The following RARS2 variants were observed in gnomAD, a reference collection of about 807,000 sequenced individuals.
The protein encoded by RARS2 is probable arginine--tRNA ligase, mitochondrial.
In RARS2, 67 loss-of-function variants were observed where a neutral mutation model predicts 88.5. The ratio of observed to expected loss-of-function variants is 0.76; its 90% CI spans 0.62 to 0.93. The LOEUF (loss-of-function observed/expected upper bound fraction) is 0.93, where lower values mean the gene tolerates loss of function less well. RARS2 is among the 40% of genes least tolerant of loss of function. RARS2 has a pLI of 0.00. For synonymous variants in RARS2, 239 were observed against 230.3 expected (o/e 1.04, Z -0.34); for missense variants, 664 against 684.2 (o/e 0.97, Z 0.33).
At chr6:87,543,810 A>C (rs1029901529) in intron 7 of RARS2, among the ~76,000 whole-genome samples, 1 of 152,232 alleles carries the variant, frequency 6.6e-6, no homozygotes, top group Non-Finnish European at 1.5e-5. Flanking sequence ...AAGAAGGATG[A>C]CTGAAGCTCT....
chr6:87,547,824 A>C (rs1478036728), intron 6 of RARS2, among the ~76,000 whole-genome samples: 1 of 151,656 alleles, frequency 6.6e-6, no homozygotes, highest in African/African-American at 2.4e-5. Context: ...ATTTTTAGTA[A>C]AGATGGGGTT....
chr6:87,580,100 C>T (rs183661231), intron 1 of RARS2, among the ~76,000 whole-genome samples: 4 of 152,178 alleles, frequency 2.6e-5, no homozygotes, highest in East Asian at 1.9e-4. Context: ...GGGAGTAATA[C>T]GACTTTCTTC....
intron 3 of RARS2, among the ~76,000 whole-genome samples, chr6:87,563,210 C>T (rs9294383): frequency 0.84 from 128,419 of 152,234 alleles, 54,814 homozygotes; most frequent in African/African-American, 0.96. Flanking sequence ...TTTAGATAGT[C>T]TGTCTTCTAT....
chr6:87,520,399 A>G, intron 12 of RARS2, 143 bp from the exon 13 acceptor site: 3 of 680,312 alleles, frequency 4.4e-6, no homozygotes, highest in Non-Finnish European at 7.6e-6. Context: ...CACAAAGAGG[A>G]TGCCACAAGA....
At position 87,552,600 on chromosome 6, in the gene RARS2, G is replaced by C. The variant is rs546323540; in HGVS notation, c.395+2808C>G. 2.6e-5 allele frequency among the ~76,000 whole-genome samples: 4 copies of C among 152,202 alleles called. No individual in the cohort carries two copies. The East Asian group carries it at 7.7e-4, about 29-fold the overall frequency. On this transcript the variant is annotated intron_variant, in intron 5 of 19. Transcript: ENST00000369536. ...AAGCCTACAGAATACAACTCACATA[G>C]AACAGGTTATTTTTAGATATTTTTT...
chr6:87,584,516 A>G (rs1460931785), intron 1 of RARS2, among the ~76,000 whole-genome samples: 1 of 152,250 alleles, frequency 6.6e-6, no homozygotes, highest in Admixed American at 6.5e-5. Context: ...TAATCCTTGC[A>G]GCAATCCTGT....
chr6:87,560,811 C>T (rs1419037437), intron 4 of RARS2, among the ~76,000 whole-genome samples: 1 of 152,138 alleles, frequency 6.6e-6, no homozygotes, highest in Non-Finnish European at 1.5e-5. Flanking sequence ...TCGCTTGAAC[C>T]CGGGAGGTGG....
chr6:87,530,728 A>G, intron 9 of RARS2, 56 bp downstream of exon 9: 1 of 1,575,218 alleles, frequency 6.3e-7, no homozygotes, highest in Non-Finnish European at 8.7e-7. Context: ...CTATGCAGGT[A>G]ACAGCCGAGA....
chr6:87,540,051 GAGA>G (rs1219803266), intron 8 of RARS2, among the ~76,000 whole-genome samples: 1 of 152,096 alleles, frequency 6.6e-6, no homozygotes, highest in African/African-American at 2.4e-5. Context: ...ATGGGAAAGA[GAGA>G]AGAAATCTTT....
At chr6:87,563,997 T>C in intron 3 of RARS2, 133 bp downstream of exon 3, 2 of 728,498 alleles carry the variant, frequency 2.7e-6, no homozygotes, top group Non-Finnish European at 4.8e-6. Context: ...TAAAATGAAT[T>C]TAAATTATAT....
chr6:87,566,573 C>A (rs1258924216), intron 2 of RARS2, among the ~76,000 whole-genome samples: 2 of 152,136 alleles, frequency 1.3e-5, no homozygotes, highest in African/African-American at 2.4e-5. Context: ...GAGAGCCCAA[C>A]ACAGTGGCTC....
At chr6:87,585,763 A>G (rs1409591162) in intron 1 of RARS2, among the ~76,000 whole-genome samples, 1 of 152,128 alleles carries the variant, frequency 6.6e-6, no homozygotes, top group Non-Finnish European at 1.5e-5. Context: ...AAAAATAAAA[A>G]TAAATTCTGT....
chr6:87,538,983 G>A lies in RARS2; in HGVS notation c.612+2935C>T, dbSNP rs539440746. 6.4e-4 allele frequency among the ~76,000 whole-genome samples: 98 copies of A among 151,986 alleles called. 1 individual carries two copies. The highest frequency in any genetic ancestry group is 3.3e-4 in the Admixed American group (5 of 15,254). ...TGGGAGGTCAAGGCTGCAGTGAGCC[G>A]TGATTGTGCCACTATATTCCAGGCT... On this transcript the variant is annotated intron_variant, in intron 8 of 19. Transcript: ENST00000369536.
chr6:87,549,636 T>C (rs906099161), intron 5 of RARS2, among the ~76,000 whole-genome samples: 7 of 151,824 alleles, frequency 4.6e-5, no homozygotes, highest in Admixed American at 4.6e-4. Context: ...AAATTCCCAA[T>C]CAACACATTT....
In RARS2 at chr6:87,571,235, G is replaced by A. The variant is rs1196214867; in HGVS notation, c.37-1645C>T. 2.0e-5 allele frequency among the ~76,000 whole-genome samples: 3 copies of A among 152,208 alleles called. No homozygotes were observed. The East Asian group carries it at 5.8e-4, about 29-fold the overall frequency. On this transcript the variant is annotated intron_variant, in intron 1 of 19. Coordinates refer to ENST00000369536, the MANE Select transcript of RARS2 (RefSeq NM_020320.5). ...ACGAGATCTGATGGTTTTAAAAGAG[G>A]CTTTCCCCCACCCTTCGCTCAACAC...
intron 4 of RARS2, among the ~76,000 whole-genome samples, chr6:87,561,462 G>T (rs567533034): frequency 6.6e-6 from 1 of 152,044 alleles, no homozygotes; most frequent in African/African-American, 2.4e-5. Context: ...CCTATCAAAG[G>T]GTATATTCAC....
intron 6 of RARS2, 98 bp from the exon 7 acceptor site, chr6:87,545,797 C>A (rs1782458581): frequency 3.6e-6 from 5 of 1,399,384 alleles, no homozygotes; most frequent in Middle Eastern, 2.5e-4. Context: ...GTAGAAAATT[C>A]TTTTCACTAA....
chr6:87,520,170 C>CA lies in RARS2; in HGVS notation c.1112+9dup. ...CCTGCACAGACAATTAAGAACCATG[C>CA]AGACATTACCTTTCTGCCCAGTCAT... On this transcript the variant is annotated intron_variant, in intron 13 of 19. Transcript: ENST00000369536. 6.2e-7 allele frequency: 1 copy of CA among 1,609,370 alleles called. No individual in the cohort carries two copies. The highest frequency in any genetic ancestry group is 2.2e-5 in the East Asian group (1 of 44,840).
At chr6:87,551,594 A>G (rs890994603) in intron 5 of RARS2, among the ~76,000 whole-genome samples, 1 of 135,382 alleles carries the variant, frequency 7.4e-6, no homozygotes, top group Admixed American at 8.7e-5. Context: ...ACTGCACTCC[A>G]GCCTGAGCGA....
Sources: allele counts gnomAD v4.1 joint callset (sites outside exome capture counted in the v4.1 genomes callset), GRCh38; gene constraint gnomAD v4.1.1; transcripts MANE v1.5; gene names NCBI Gene and HGNC (gene_info 2026-07-23, HGNC 2026-07-21).